EXOC4: variants seen among roughly 807,000 people sequenced by gnomAD.
EXOC4 encodes exocyst complex component 4, also known as SEC8-like 1.
EXOC4 carries 71 observed loss-of-function variants against 107.2 expected under a neutral mutation model. The observed-to-expected ratio is 0.66, with a 90% CI of 0.55 to 0.81. The LOEUF (loss-of-function observed/expected upper bound fraction) is 0.81, where lower values mean the gene tolerates loss of function less well. Ranked by LOEUF, EXOC4 falls within the 30% of genes least tolerant of loss-of-function variation. The probability of loss-of-function intolerance (pLI) is 0.00; values close to 1 mark genes in which losing one functional copy is unlikely to be tolerated. For missense variants in EXOC4, 1,108 were observed against 1,189.6 expected (o/e 0.93, Z 1.01); for synonymous variants, 456 against 441.2 (o/e 1.03, Z -0.42).
intron 8 of EXOC4, among the ~76,000 whole-genome samples, chr7:133,476,625 G>T (rs989582548): frequency 1.3e-5 from 2 of 152,140 alleles, no homozygotes; most frequent in African/African-American, 4.8e-5. Context: ...GATTTATTTA[G>T]TATATCCCTG....
the EXOC4 span, among the ~76,000 whole-genome samples, chr7:134,082,355 A>C: frequency 6.6e-6 from 1 of 152,214 alleles, no homozygotes; most frequent in South Asian, 2.1e-4. Context: ...ATAGGAGTGT[A>C]GCAGTGAGGA....
At chr7:133,266,051 A>G (rs1048502797) in intron 1 of EXOC4, among the ~76,000 whole-genome samples, 2 of 152,178 alleles carry the variant, frequency 1.3e-5, no homozygotes, top group Admixed American at 6.6e-5. Context: ...AAAACACCAA[A>G]TACTAGGTGA....
At chr7:133,593,720 C>T (rs1008514648) in intron 9 of EXOC4, among the ~76,000 whole-genome samples, 1 of 152,184 alleles carries the variant, frequency 6.6e-6, no homozygotes, top group Non-Finnish European at 1.5e-5. Context: ...CTGCACCTTG[C>T]TTTTCTACAT....
At chr7:134,060,722 A>C (rs1168114719) in intron 17 of EXOC4, among the ~76,000 whole-genome samples, 1 of 152,154 alleles carries the variant, frequency 6.6e-6, no homozygotes, top group Admixed American at 6.6e-5. Flanking sequence ...CCCCACCTCC[A>C]GGTGAAACTG....
intron 1 of EXOC4, among the ~76,000 whole-genome samples, chr7:133,261,543 G>A (rs1045604668): frequency 6.6e-6 from 1 of 152,116 alleles, no homozygotes; most frequent in African/African-American, 2.4e-5. Flanking sequence ...CGGGCACCTT[G>A]TAGTTTTTGA....
intron 10 of EXOC4, among the ~76,000 whole-genome samples, chr7:133,755,285 T>C (rs1461559947): frequency 1.2e-4 from 13 of 105,010 alleles, no homozygotes; most frequent in Non-Finnish European, 2.3e-4. Context: ...ATATATATTA[T>C]ATACATATTA....
the EXOC4 span, among the ~76,000 whole-genome samples, chr7:134,084,515 G>T: frequency 6.6e-6 from 1 of 152,066 alleles, no homozygotes; most frequent in East Asian, 1.9e-4. Context: ...CAAGAGGCTG[G>T]AAGATCCTCT....
At chr7:133,679,538 G>GTCCATCCATCCA (rs200481678) in intron 10 of EXOC4, among the ~76,000 whole-genome samples, 17,432 of 142,914 alleles carry the variant, frequency 0.12, 1,195 homozygotes, top group South Asian at 0.2. Flanking sequence ...CCATCCGTCC[G>GTCCATCCATCCA]TCCGTCCATC....
intron 7 of EXOC4, among the ~76,000 whole-genome samples, chr7:133,444,756 A>G (rs1223629189): frequency 6.6e-6 from 1 of 152,100 alleles, no homozygotes; most frequent in Non-Finnish European, 1.5e-5. Flanking sequence ...TGGCTATGTT[A>G]AATGTGGGAT....
chr7:133,805,909 A>G (rs1797064754), intron 10 of EXOC4, among the ~76,000 whole-genome samples: 1 of 152,220 alleles, frequency 6.6e-6, no homozygotes, highest in Non-Finnish European at 1.5e-5. Context: ...CCCTATTTTA[A>G]TTCTGTCTAT....
intron 7 of EXOC4, among the ~76,000 whole-genome samples, chr7:133,464,153 T>C (rs1226219149): frequency 6.6e-6 from 1 of 152,226 alleles, no homozygotes; most frequent in African/African-American, 2.4e-5. Flanking sequence ...TCTCATTTAA[T>C]TCTATGAAGT....
At chr7:133,436,046 GTGTTTTTTTTTTTT>G (rs1328707674) in intron 7 of EXOC4, among the ~76,000 whole-genome samples, 1 of 74,618 alleles carries the variant, frequency 1.3e-5, no homozygotes, top group Non-Finnish European at 2.8e-5. Flanking sequence ...AATTATCTCA[GTGTTTTTTTTTTTT>G]TGTTTTTTTA....
intron 7 of EXOC4, among the ~76,000 whole-genome samples, chr7:133,414,441 G>T (rs1797428975): frequency 6.6e-6 from 1 of 152,132 alleles, no homozygotes; most frequent in African/African-American, 2.4e-5. Flanking sequence ...TCCATATTCT[G>T]CAACTCAGCC....
chr7:133,701,933 G>A (rs1490448948), intron 10 of EXOC4, among the ~76,000 whole-genome samples: 1 of 149,830 alleles, frequency 6.7e-6, no homozygotes, highest in Admixed American at 6.6e-5. Context: ...GGGACAATCT[G>A]TGGTTGTTTG....
chr7:133,755,283 T>C (rs1198588346), intron 10 of EXOC4, among the ~76,000 whole-genome samples: 1 of 104,070 alleles, frequency 9.6e-6, no homozygotes, highest in Admixed American at 1.0e-4. Flanking sequence ...TTATATATAT[T>C]ATATACATAT....
intron 10 of EXOC4, among the ~76,000 whole-genome samples, chr7:133,802,567 T>C (rs945417538): frequency 1.3e-5 from 2 of 152,156 alleles, no homozygotes; most frequent in African/African-American, 4.8e-5. Context: ...CTGCTCCATA[T>C]TTTTTAATAG....
chr7:133,539,604 A>G (rs1563101384), intron 9 of EXOC4, among the ~76,000 whole-genome samples: 1 of 151,860 alleles, frequency 6.6e-6, no homozygotes, highest in African/African-American at 2.4e-5. Flanking sequence ...GGGGGGGTAT[A>G]TATATTCTCT....
chr7:133,766,674 C>T (rs1252854879), intron 10 of EXOC4, among the ~76,000 whole-genome samples: 1 of 151,968 alleles, frequency 6.6e-6, no homozygotes, highest in East Asian at 1.9e-4. Flanking sequence ...TTCCAAACTT[C>T]CTGATCACCT....
chr7:133,262,774 C>T lies in EXOC4; in HGVS notation c.86+9587C>T, dbSNP rs146752282. Among the ~76,000 whole-genome samples the T allele has an allele frequency of 2.1e-3, 315 of 152,180 alleles. 2 individuals are homozygous for T. The highest frequency in any genetic ancestry group is 7.2e-3 in the African/African-American group (301 of 41,522). ...TTAGGTAGCCTTAGAACAAGAAACC[C>T]CAGGCTTGAAATGTTCTCAACATAT... On this transcript the variant is annotated intron_variant, in intron 1 of 17. Transcript: ENST00000253861.
Sources: gnomAD v4.1 joint callset for allele counts (sites outside exome capture counted in the v4.1 genomes callset) on GRCh38, gnomAD v4.1.1 for gene constraint, MANE v1.5 for transcripts, NCBI Gene and HGNC (gene_info 2026-07-23, HGNC 2026-07-21) for gene names.